DCC: variants seen among roughly 807,000 people sequenced by gnomAD.
The protein encoded by DCC is netrin receptor DCC.
In DCC, 58 loss-of-function variants were observed where a neutral mutation model predicts 172.5. That is an observed-to-expected ratio of 0.34 (90% CI 0.27 to 0.42). The LOEUF (loss-of-function observed/expected upper bound fraction) is 0.42, where lower values mean the gene tolerates loss of function less well. DCC is among the 10% of genes least tolerant of loss of function. The pLI is 1.00. For missense variants in DCC, 1,740 were observed against 1,791.0 expected (o/e 0.97, Z 0.51); for synonymous variants, 709 against 644.5 (o/e 1.10, Z -1.52).
chr18:53,076,540 G>A (rs1025979194), intron 7 of DCC, among the ~76,000 whole-genome samples: 5 of 152,114 alleles, frequency 3.3e-5, no homozygotes, highest in South Asian at 2.1e-4. Context: ...AGTAGATCCC[G>A]TGGCAATGCA....
At chr18:52,545,374 T>C (rs1167348758) in intron 1 of DCC, among the ~76,000 whole-genome samples, 1 of 152,216 alleles carries the variant, frequency 6.6e-6, no homozygotes, top group Non-Finnish European at 1.5e-5. Flanking sequence ...CAGAAGCTGG[T>C]AAGTGGACAG....
intron 5 of DCC, among the ~76,000 whole-genome samples, chr18:53,041,227 C>T (rs1421094154): frequency 6.6e-6 from 1 of 152,096 alleles, no homozygotes; most frequent in Non-Finnish European, 1.5e-5. Flanking sequence ...CAGTTTTCTG[C>T]ATATGGCTAG....
chr18:52,494,267 T>TGC (rs1340176165), intron 1 of DCC, among the ~76,000 whole-genome samples: 1 of 78,584 alleles, frequency 1.3e-5, no homozygotes, highest in Non-Finnish European at 3.0e-5. Flanking sequence ...GTTTGTGATG[T>TGC]GTGTGTGTGT....
chr18:52,858,295 A>G lies in DCC; in HGVS notation c.413-47749A>G, dbSNP rs567721040. 2.0e-5 allele frequency among the ~76,000 whole-genome samples: 3 copies of G among 152,352 alleles called. No homozygotes were observed. The East Asian group carries it at 5.8e-4, about 29-fold the overall frequency. On this transcript the variant is annotated intron_variant, in intron 2 of 28. Coordinates refer to ENST00000442544, the MANE Select transcript of DCC (RefSeq NM_005215.4). ...TTAGAAATCAGGACTGTCAGCTCCC[A>G]TGCTCAATTTGTAGATCATTGTAAG...
Position 52,612,527 on chromosome 18 carries a change from C to T in DCC, c.92-139527C>T, listed in dbSNP as rs148485710. ...AACCCTTCACTAAAGTTTCATGGCT[C>T]TTAGGATGGAGTGTAAATTCTTCAG... On this transcript the variant is annotated intron_variant, in intron 1 of 28. Coordinates refer to ENST00000442544, the MANE Select transcript of DCC (RefSeq NM_005215.4). 8.6e-5 allele frequency among the ~76,000 whole-genome samples: 13 copies of T among 151,474 alleles called. No homozygotes were observed. In the East Asian group the frequency reaches 2.6e-3, roughly 30 times the overall value.
At chr18:52,819,587 AAAAAGAT>A (rs946229599) in intron 2 of DCC, among the ~76,000 whole-genome samples, 1 of 152,222 alleles carries the variant, frequency 6.6e-6, no homozygotes, top group Non-Finnish European at 1.5e-5. Flanking sequence ...TTGTGTTTGA[AAAAAGAT>A]AAAAGACCTG....
intron 1 of DCC, among the ~76,000 whole-genome samples, chr18:52,369,467 G>A (rs1407421302): frequency 6.6e-6 from 1 of 152,008 alleles, no homozygotes; most frequent in Non-Finnish European, 1.5e-5. Flanking sequence ...GAGTGTGCAT[G>A]GGTGTAGGAG....
intron 12 of DCC, among the ~76,000 whole-genome samples, chr18:53,257,367 A>G (rs1042114495): frequency 1.3e-5 from 2 of 152,146 alleles, no homozygotes; most frequent in Non-Finnish European, 1.5e-5. Flanking sequence ...GATAGCTCTG[A>G]TTATTTTGAG....
intron 5 of DCC, among the ~76,000 whole-genome samples, chr18:52,940,258 T>G (rs1241081116): frequency 6.6e-6 from 1 of 152,110 alleles, no homozygotes; most frequent in Admixed American, 6.5e-5. Context: ...GATCTCTTAT[T>G]AAAATTGGAG....
chr18:53,485,363 A>C (rs917218850), intron 25 of DCC, among the ~76,000 whole-genome samples: 3 of 152,134 alleles, frequency 2.0e-5, no homozygotes, highest in Non-Finnish European at 4.4e-5. Context: ...AAAACCCAAT[A>C]AAACCCAACA....
intron 5 of DCC, among the ~76,000 whole-genome samples, chr18:52,962,065 A>G (rs1318301587): frequency 2.0e-5 from 3 of 151,910 alleles, no homozygotes; most frequent in Non-Finnish European, 2.9e-5. Flanking sequence ...CTTCATGTCT[A>G]AAACACCAAA....
intron 1 of DCC, among the ~76,000 whole-genome samples, chr18:52,533,032 C>T (rs905409790): frequency 6.6e-6 from 1 of 151,998 alleles, no homozygotes; most frequent in African/African-American, 2.4e-5. Context: ...TTTATATGTA[C>T]AGGATTATAA....
intron 2 of DCC, among the ~76,000 whole-genome samples, chr18:52,886,371 G>C (rs576929336): frequency 6.6e-6 from 1 of 152,118 alleles, no homozygotes; most frequent in Admixed American, 6.6e-5. Context: ...GGCTAGGCTC[G>C]TCCAAATTCT....
intron 7 of DCC, among the ~76,000 whole-genome samples, chr18:53,086,808 G>A (rs758989704): frequency 6.5e-4 from 78 of 120,124 alleles, no homozygotes; most frequent in Non-Finnish European, 1.1e-3. Flanking sequence ...GTGTCCATGT[G>A]TTCTTATTGT....
chr18:53,351,311 ATATACACTG>A (rs1319522642), intron 15 of DCC, among the ~76,000 whole-genome samples: 27 of 29,994 alleles, frequency 9.0e-4, no homozygotes, highest in East Asian at 4.3e-3. Context: ...ATATATATAT[ATATACACTG>A]TATATATATA....
At chr18:53,113,536 T>A (rs1401669296) in intron 7 of DCC, among the ~76,000 whole-genome samples, 6 of 151,468 alleles carry the variant, frequency 4.0e-5, no homozygotes, top group African/African-American at 1.2e-4. Flanking sequence ...TTGGCTTTTT[T>A]GGTAACAGCT....
intron 12 of DCC, among the ~76,000 whole-genome samples, chr18:53,292,959 A>G (rs1409286015): frequency 1.3e-5 from 2 of 152,164 alleles, no homozygotes; most frequent in East Asian, 3.9e-4. Flanking sequence ...TTGTGTTTCA[A>G]AACAGTTATC....
At chr18:52,913,939 T>TA (rs1332031422) in intron 3 of DCC, among the ~76,000 whole-genome samples, 4 of 151,962 alleles carry the variant, frequency 2.6e-5, no homozygotes, top group Admixed American at 1.3e-4. Flanking sequence ...TCCTGGAACA[T>TA]AAAAAAAGAC....
intron 12 of DCC, among the ~76,000 whole-genome samples, chr18:53,250,267 T>C (rs2056413848): frequency 6.6e-6 from 1 of 151,976 alleles, no homozygotes; most frequent in South Asian, 2.1e-4. Context: ...CACGGGAAAT[T>C]ATAAAGTTTT....
Sources: allele counts gnomAD v4.1 joint callset (sites outside exome capture counted in the v4.1 genomes callset), GRCh38; gene constraint gnomAD v4.1.1; transcripts MANE v1.5; gene names NCBI Gene and HGNC (gene_info 2026-07-23, HGNC 2026-07-21).